The following PTPRC variants were observed in gnomAD, a reference collection of about 807,000 sequenced individuals.
PTPRC encodes the protein protein tyrosine phosphatase receptor type C.
In PTPRC, 44 loss-of-function variants were observed where a neutral mutation model predicts 155.9. That is an observed-to-expected ratio of 0.28 (90% CI 0.22 to 0.36). The LOEUF (loss-of-function observed/expected upper bound fraction) is 0.36. PTPRC is among the 10% of genes least tolerant of loss of function. The pLI is 1.00. For synonymous variants in PTPRC, 525 were observed against 533.1 expected (o/e 0.98, Z 0.21); for missense variants, 1,401 against 1,564.6 (o/e 0.90, Z 1.76).
rs1378963947 is a variant in PTPRC at position 198,660,022 on chromosome 1, TATATGTCC to T, written c.73+20686_73+20693del. ...AAATATATAGATATATTTGTCCATA[TATATGTCC>T]ATATATATATATATATATATATATA... On this transcript the variant is annotated intron_variant, in intron 2 of 32. Coordinates refer to ENST00000442510, the MANE Select transcript of PTPRC (RefSeq NM_002838.5). Among the ~76,000 whole-genome samples, 188 of 121,414 alleles carry T rather than the reference TATATGTCC, an allele frequency of 1.5e-3. 1 individual carries two copies. The highest frequency in any genetic ancestry group is 5.8e-3 in the African/African-American group (179 of 31,044). 79.7% of individuals were successfully genotyped at this position (121,414 alleles called of 152,430 possible). A position where few individuals can be genotyped will look rare whatever the true frequency, so the allele number is the denominator to read the frequency against.
Position 198,742,228 on chromosome 1 carries a change from C to T in PTPRC, c.2562-4C>T. 6.2e-7 allele frequency: 1 copy of T among 1,612,044 alleles called. No individual in the cohort carries two copies. Among genetic ancestry groups the T allele is most frequent in the Non-Finnish European group, 8.5e-7 (1 of 1,178,786 alleles). On this transcript the variant is annotated splice_region_variant and splice_polypyrimidine_tract_variant and intron_variant, in intron 24 of 32. Transcript: ENST00000442510. ...CCTCTGCTTTTTTTTGCTTGGTTTG[C>T]CAGTGCTGGTGTTGGGCGCACAGGA...
chr1:198,755,585 A>AAAT (rs1193076565), intron 32 of PTPRC, among the ~76,000 whole-genome samples: 2 of 152,090 alleles, frequency 1.3e-5, no homozygotes, highest in African/African-American at 4.8e-5. Context: ...CCTGATTCTT[A>AAAT]AATAATGTGT....
intron 2 of PTPRC, among the ~76,000 whole-genome samples, chr1:198,677,625 T>C (rs1272353855): frequency 1.3e-5 from 2 of 152,166 alleles, no homozygotes; most frequent in Admixed American, 1.3e-4. Flanking sequence ...TAGGAAACTA[T>C]TGCACTTACA....
chr1:198,706,590 A>C, intron 8 of PTPRC, 144 bp from the exon 9 acceptor site: 2 of 824,658 alleles, frequency 2.4e-6, no homozygotes, highest in Non-Finnish European at 3.8e-6. Flanking sequence ...TTACGAAAAA[A>C]ATGATATGGA....
chr1:198,747,045 A>G (rs950957365), intron 26 of PTPRC, among the ~76,000 whole-genome samples: 2 of 151,730 alleles, frequency 1.3e-5, no homozygotes, highest in African/African-American at 2.4e-5. Context: ...ATCTTACCGA[A>G]TTGTACATGA....
At chr1:198,754,534 A>ATTT in intron 32 of PTPRC, 130 bp downstream of exon 32, 1 of 1,065,878 alleles carries the variant, frequency 9.4e-7, no homozygotes, top group East Asian at 2.6e-5. Context: ...TCTCTTCTCT[A>ATTT]TTTTCTTTCC....
At chr1:198,666,175 G>A (rs1280798270) in intron 2 of PTPRC, among the ~76,000 whole-genome samples, 1 of 150,102 alleles carries the variant, frequency 6.7e-6, no homozygotes, top group East Asian at 2.0e-4. Flanking sequence ...GGATGCTGCA[G>A]TGAGCCATGG....
At chr1:198,662,991 C>A (rs1664068553) in intron 2 of PTPRC, among the ~76,000 whole-genome samples, 1 of 152,104 alleles carries the variant, frequency 6.6e-6, no homozygotes, top group Non-Finnish European at 1.5e-5. Context: ...TACGCCTGAC[C>A]CCTGGCCAGA....
At chr1:198,710,010 A>T (rs181474464) in intron 11 of PTPRC, among the ~76,000 whole-genome samples, 186 bp downstream of exon 11, 21 of 152,332 alleles carry the variant, frequency 1.4e-4, no homozygotes, top group Non-Finnish European at 2.8e-4. Flanking sequence ...TTGGTGTCGT[A>T]TATGAAAGTC....
Position 198,655,539 on chromosome 1 carries a change from A to G in PTPRC, c.73+16198A>G, listed in dbSNP as rs144362223. Among the ~76,000 whole-genome samples the G allele has an allele frequency of 2.5e-3, 381 of 152,170 alleles. 2 individuals are homozygous for G. Among genetic ancestry groups the G allele is most frequent in the African/African-American group, 8.6e-3 (357 of 41,544 alleles). On this transcript the variant is annotated intron_variant, in intron 2 of 32. Transcript: ENST00000442510. ...TTAGGCATTTTGGGACAAGTTTTGA[A>G]TCCTAACTCTATTACTAATTCCTCT...
At chr1:198,701,788 G>A (rs1457408972) in intron 5 of PTPRC, among the ~76,000 whole-genome samples, 3 of 152,204 alleles carry the variant, frequency 2.0e-5, no homozygotes, top group African/African-American at 7.2e-5. Flanking sequence ...AGCCTGAATT[G>A]TGAAAGTAGA....
chr1:198,642,929 T>TTTCG (rs1662699625), intron 2 of PTPRC, among the ~76,000 whole-genome samples: 1 of 148,638 alleles, frequency 6.7e-6, no homozygotes, highest in Non-Finnish European at 1.5e-5. Flanking sequence ...TCTTTCTTTC[T>TTTCG]TTCTTTCTTT....
intron 2 of PTPRC, chr1:198,660,730 A>C (rs1222634308): frequency 6.6e-6 from 1 of 152,162 alleles, no homozygotes; most frequent in Admixed American, 6.6e-5. Flanking sequence ...CCATTATGAA[A>C]TCTAAGTAAC....
At chr1:198,730,119 G>T (rs1654321108) in intron 17 of PTPRC, among the ~76,000 whole-genome samples, 2 of 151,914 alleles carry the variant, frequency 1.3e-5, no homozygotes, top group Admixed American at 1.3e-4. Context: ...CAGTAAAAGG[G>T]GACAAAGTTT....
At chr1:198,723,179 T>C (rs1408262709) in intron 15 of PTPRC, among the ~76,000 whole-genome samples, 4 of 151,404 alleles carry the variant, frequency 2.6e-5, no homozygotes, top group African/African-American at 7.3e-5. Context: ...ACATTACCAA[T>C]TGATCTGAGC....
intron 12 of PTPRC, among the ~76,000 whole-genome samples, chr1:198,714,198 T>C (rs1653451088): frequency 6.6e-6 from 1 of 152,140 alleles, no homozygotes; most frequent in African/African-American, 2.4e-5. Context: ...GTTCATTTTT[T>C]TTTTCTCTTC....
In PTPRC at chr1:198,718,251, T is replaced by C; in HGVS notation, c.1608T>C (p.Asn536=). 6.2e-7 allele frequency: 1 copy of C among 1,614,086 alleles called. No individual in the cohort carries two copies. The highest frequency in any genetic ancestry group is 8.5e-7 in the Non-Finnish European group (1 of 1,179,974). ...TGGTTAGAAATGAGTCGCATAAGAA[T>C]TGCGATTTCCGTGTAAAAGATCTTC... is the stretch of plus-strand genomic sequence containing the variant. ...NTLVRNESHK[N]CDFRVKDLQY... Residue 536 remains asparagine, a synonymous_variant, in exon 14 of 33, where the codon AAT becomes AAC. Coordinates refer to ENST00000442510, the MANE Select transcript of PTPRC (RefSeq NM_002838.5).
chr1:198,658,934 C>T (rs1016840494), intron 2 of PTPRC, among the ~76,000 whole-genome samples: 6 of 151,964 alleles, frequency 3.9e-5, no homozygotes, highest in African/African-American at 7.3e-5. Flanking sequence ...ATAACTGATA[C>T]GGTACTACCC....
intron 2 of PTPRC, among the ~76,000 whole-genome samples, chr1:198,662,598 G>A (rs953160171): frequency 3.3e-5 from 5 of 151,712 alleles, no homozygotes; most frequent in South Asian, 2.1e-4. Flanking sequence ...AATAGAGGAG[G>A]ATGGAAAGGG....
Sources: allele counts gnomAD v4.1 joint callset (sites outside exome capture counted in the v4.1 genomes callset), GRCh38; gene constraint gnomAD v4.1.1; transcripts MANE v1.5; gene names NCBI Gene and HGNC (gene_info 2026-07-23, HGNC 2026-07-21).